Variants in FOCAD observed in about 807,000 individuals in gnomAD.
FOCAD encodes KIAA1797.
A neutral mutation model predicts 225.6 loss-of-function variants in FOCAD; 198 were observed. The observed-to-expected ratio is 0.88, with a 90% confidence interval of 0.78 to 0.99. FOCAD has a LOEUF of 0.99. Ranked by LOEUF, FOCAD falls within the 50% of genes least tolerant of loss-of-function variation. The pLI is 0.00. For synonymous variants in FOCAD, 897 were observed against 755.0 expected, an observed-to-expected ratio of 1.19 and a Z score of -3.08; for missense variants, 2,713 against 2,123.6, an observed-to-expected ratio of 1.28 and a Z score of -5.46.
chr9:20,994,039 T>C (rs1403160687), intron 43 of FOCAD, among the ~76,000 whole-genome samples: 1 of 152,226 alleles, frequency 6.6e-6, no homozygotes, highest in Admixed American at 6.5e-5. Flanking sequence ...TCATATACAA[T>C]TGAAAATACA....
At chr9:20,910,552 C>G (rs566547055) in intron 22 of FOCAD, among the ~76,000 whole-genome samples, 2 of 152,070 alleles carry the variant, frequency 1.3e-5, no homozygotes, top group Admixed American at 6.6e-5. Flanking sequence ...CTATAATCAG[C>G]AAGTTCTTAT....
chr9:20,823,905 C>G lies in FOCAD; in HGVS notation c.1920+790C>G, dbSNP rs560562223. Among the ~76,000 whole-genome samples the G allele has an allele frequency of 5.1e-4, 77 of 152,124 alleles. No individual in the cohort carries two copies. In the South Asian group the frequency reaches 5.2e-3, roughly 10 times the overall value. On this transcript the variant is annotated intron_variant, in intron 15 of 43. Coordinates refer to ENST00000338382, the MANE Select transcript of FOCAD (RefSeq NM_001375567.1). ...GGCTAAGCACTTTTTATGTATTTTT[C>G]TTAACAACTCTGCAGTATAGGGATT...
chr9:20,841,148 A>G (rs939320126), intron 15 of FOCAD, among the ~76,000 whole-genome samples: 1 of 151,942 alleles, frequency 6.6e-6, no homozygotes, highest in Non-Finnish European at 1.5e-5. Context: ...TTTTTGCATC[A>G]GTGTTCATCA....
intron 15 of FOCAD, among the ~76,000 whole-genome samples, chr9:20,859,838 A>G (rs1407249180): frequency 6.6e-6 from 1 of 151,438 alleles, no homozygotes; most frequent in East Asian, 1.9e-4. Context: ...TTCTATTTAT[A>G]GGAAATGCCT....
intron 1 of FOCAD, among the ~76,000 whole-genome samples, chr9:20,685,323 T>G (rs961052508): frequency 1.3e-5 from 2 of 151,918 alleles, no homozygotes; most frequent in Admixed American, 6.6e-5. Flanking sequence ...AGAAGAGGAA[T>G]GGGATTAGTA....
intron 4 of FOCAD, among the ~76,000 whole-genome samples, chr9:20,735,519 CT>C (rs1354037154): frequency 2.0e-5 from 3 of 148,650 alleles, no homozygotes; most frequent in Non-Finnish European, 4.5e-5. Context: ...TCCTCTTTTC[CT>C]TCTCTTTTCC....
rs538975730 is a variant in FOCAD at position 20,929,403 on chromosome 9, G to A, written c.3124G>A (p.Ala1042Thr). 1 of 1,614,038 alleles carries A rather than the reference G, an allele frequency of 6.2e-7. No homozygotes were observed. The highest frequency in any genetic ancestry group is 8.5e-7 in the Non-Finnish European group (1 of 1,179,992). ...CACAGCTAGTGCCATTGCCCGTTCT[G>A]CTGCCGCCACGGCTTTGTCTCTCCT... is the stretch of plus-strand genomic sequence containing the variant. ...ENTASAIARS[A>T]AATALSLLVP... The change falls in exon 27 of 44, where the codon GCT (alanine) becomes ACT (threonine). Residue 1042 changes from alanine (A) to threonine (T), a missense_variant. Coordinates refer to ENST00000338382, the MANE Select transcript of FOCAD (RefSeq NM_001375567.1).
At chr9:20,854,785 T>C (rs1828002880) in intron 15 of FOCAD, among the ~76,000 whole-genome samples, 1 of 151,760 alleles carries the variant, frequency 6.6e-6, no homozygotes, top group Admixed American at 6.6e-5. Context: ...TCGTATGCTA[T>C]ATGTGGATGA....
At chr9:20,880,705 G>A (rs1056639017) in intron 19 of FOCAD, among the ~76,000 whole-genome samples, 1 of 152,150 alleles carries the variant, frequency 6.6e-6, no homozygotes, top group Non-Finnish European at 1.5e-5. Flanking sequence ...AGCTCTTGCT[G>A]CCTTTAATTT....
Position 20,764,873 on chromosome 9 carries a change from G to T in FOCAD, c.499G>T (p.Glu167Ter), listed in dbSNP as rs1829919478. Residue 167 changes from glutamate to a stop codon, truncating the protein, a stop_gained, in exon 7 of 44, where the codon GAA (glutamate) becomes TAA (stop). Transcript: ENST00000338382. LOFTEE classifies it high-confidence loss of function. ...AATGTATTTCATGTCTTATAGGTTA[G>T]AAGTTTCATGCATTCAAATAATGGC... is the stretch of plus-strand genomic sequence containing the variant. Reference protein sequence around the residue: ...AFFQQCPERLEVSCIQIMAPF... With the variant: ...AFFQQCPERL 12 of 1,613,388 alleles carry T rather than the reference G, an allele frequency of 7.4e-6. No homozygotes were observed. The highest frequency in any genetic ancestry group is 9.3e-6 in the Non-Finnish European group (11 of 1,179,598).
intron 8 of FOCAD, among the ~76,000 whole-genome samples, chr9:20,774,748 A>G (rs1451840196): frequency 6.6e-6 from 1 of 152,168 alleles, no homozygotes; most frequent in Non-Finnish European, 1.5e-5. Context: ...GTAGAGTCAC[A>G]GGATACTAAT....
At chr9:20,990,464 G>C (rs565938260) in intron 42 of FOCAD, 90 bp downstream of exon 42, 3 of 1,442,616 alleles carry the variant, frequency 2.1e-6, no homozygotes, top group African/African-American at 1.4e-5. Context: ...AGTTAAGTGC[G>C]TCTTGAATCA....
intron 1 of FOCAD, among the ~76,000 whole-genome samples, chr9:20,713,026 C>T (rs1201440977): frequency 6.6e-6 from 1 of 152,124 alleles, no homozygotes; most frequent in Non-Finnish European, 1.5e-5. Flanking sequence ...AGCTACCATG[C>T]CTGGCCCTTT....
At chr9:20,736,004 G>C (rs950623098) in intron 4 of FOCAD, among the ~76,000 whole-genome samples, 1 of 152,058 alleles carries the variant, frequency 6.6e-6, no homozygotes, top group African/African-American at 2.4e-5. Context: ...AGAGTTTTAT[G>C]TGTGAAAATA....
chr9:20,854,954 T>C (rs1828020017), intron 15 of FOCAD, among the ~76,000 whole-genome samples: 1 of 151,822 alleles, frequency 6.6e-6, no homozygotes, highest in African/African-American at 2.4e-5. Flanking sequence ...TTTTTAATAA[T>C]TCAACTAATT....
intron 4 of FOCAD, among the ~76,000 whole-genome samples, chr9:20,721,621 G>A (rs1016976232): frequency 6.6e-6 from 1 of 152,014 alleles, no homozygotes; most frequent in East Asian, 1.9e-4. Flanking sequence ...AGAATCACTT[G>A]AACCCAGGAG....
At chr9:20,741,746 G>A (rs1827635995) in intron 5 of FOCAD, among the ~76,000 whole-genome samples, 1 of 118,044 alleles carries the variant, frequency 8.5e-6, no homozygotes, top group Non-Finnish European at 1.6e-5. Context: ...TTTATCCATT[G>A]CCTTGGCTAG....
intron 7 of FOCAD, among the ~76,000 whole-genome samples, chr9:20,766,135 C>T (rs1051077834): frequency 2.0e-5 from 3 of 152,142 alleles, no homozygotes; most frequent in African/African-American, 7.2e-5. Context: ...CTGTTCTGTG[C>T]TCCTTGGCAA....
Position 20,866,917 on chromosome 9 carries a change from T to TTTTTAACCAAAA in FOCAD, c.2107-12_2107-11insTTTTAACCAAAA. On this transcript the variant is annotated splice_polypyrimidine_tract_variant and intron_variant, in intron 17 of 43. Coordinates refer to ENST00000338382, the MANE Select transcript of FOCAD (RefSeq NM_001375567.1). Reference sequence around the variant, plus strand: ...TTTTTTTTTTTTTTTTTTTTTTTTTTACCCTATCTAGGACCCAATTGTAGC... The same window carrying TTTTTAACCAAAA: ...TTTTTTTTTTTTTTTTTTTTTTTTTTTTTTAACCAAAAACCCTATCTAGGACCCAATTGTAGC... The TTTTTAACCAAAA allele has an allele frequency of 1.3e-6, 1 of 764,972 alleles. No individual in the cohort carries two copies. The highest frequency in any genetic ancestry group is 2.0e-6 in the Non-Finnish European group (1 of 498,468). The allele number at this position is 764,972 out of a possible 1,614,324, so 47.4% of individuals were successfully genotyped here. A position where few individuals can be genotyped will look rare whatever the true frequency, so the allele number is the denominator to read the frequency against.
Sources: allele counts gnomAD v4.1 joint callset (sites outside exome capture counted in the v4.1 genomes callset), GRCh38; gene constraint gnomAD v4.1.1; transcripts MANE v1.5; gene names NCBI Gene and HGNC (gene_info 2026-07-23, HGNC 2026-07-21).